GSTCD: variants seen among roughly 807,000 people sequenced by gnomAD.
GSTCD encodes glutathione S-transferase C-terminal domain-containing protein.
A neutral mutation model predicts 68.3 loss-of-function variants in GSTCD; 44 were observed. That is an observed-to-expected ratio of 0.64 (90% CI 0.51 to 0.83). The LOEUF (loss-of-function observed/expected upper bound fraction) is 0.83, where lower values mean the gene tolerates loss of function less well. GSTCD is among the 40% of genes least tolerant of loss of function. The pLI is 0.00. For synonymous variants in GSTCD, 273 were observed against 255.2 expected (o/e 1.07, Z -0.67); for missense variants, 739 against 735.9 (o/e 1.00, Z -0.05).
chr4:105,834,674 A>G (rs1012322053), intron 9 of GSTCD, 80 bp downstream of exon 9: 67 of 1,296,166 alleles, frequency 5.2e-5, no homozygotes, highest in Non-Finnish European at 6.8e-5. Context: ...TAAAGTTGCA[A>G]TGACTTAATT....
intron 5 of GSTCD, among the ~76,000 whole-genome samples, chr4:105,730,693 G>T: frequency 6.6e-6 from 1 of 152,108 alleles, no homozygotes; most frequent in Non-Finnish European, 1.5e-5. Context: ...TCTGTAGGTT[G>T]CCTGTTCACT....
rs114958281 is a variant in GSTCD at position 105,768,693 on chromosome 4, A to G, written c.1240+39194A>G. ...TTAATTAGCATTCAATATATATAAT[A>G]TAGTTGGGTAAAATATGCTGATTTT... On this transcript the variant is annotated intron_variant, in intron 5 of 11. Coordinates refer to ENST00000515279, the MANE Select transcript of GSTCD (RefSeq NM_001370181.1). 7.9e-3 allele frequency among the ~76,000 whole-genome samples: 1,208 copies of G among 152,030 alleles called. 12 individuals carry two copies. Among genetic ancestry groups the G allele is most frequent in the African/African-American group, 0.027 (1,113 of 41,530 alleles).
intron 8 of GSTCD, among the ~76,000 whole-genome samples, chr4:105,828,720 A>G (rs573113916): frequency 6.6e-6 from 1 of 152,372 alleles, no homozygotes; most frequent in African/African-American, 2.4e-5. Flanking sequence ...CAAGAAGGCT[A>G]TCAGGACACA....
intron 5 of GSTCD, among the ~76,000 whole-genome samples, chr4:105,739,777 C>T (rs1024705433): frequency 1.3e-5 from 2 of 152,136 alleles, no homozygotes; most frequent in Non-Finnish European, 2.9e-5. Context: ...GTTTTTATAA[C>T]AGCTTTTTCA....
At position 105,846,203 on chromosome 4, in the gene GSTCD, G is replaced by A. The variant is rs1724537720; in HGVS notation, c.*626G>A. On this transcript the variant is annotated 3_prime_UTR_variant, in exon 12 of 12. Coordinates refer to ENST00000515279, the MANE Select transcript of GSTCD (RefSeq NM_001370181.1). ...AGAGGCCAAGGTGGGAGGATCATTT[G>A]AGCCCAGGATATCGAGACCAGCCTG... 1 of 152,020 alleles carries A rather than the reference G, an allele frequency of 6.6e-6. No individual in the cohort carries two copies. 9.4% of individuals were successfully genotyped at this position (152,020 alleles called of 1,614,324 possible). A position where few individuals can be genotyped will look rare whatever the true frequency, so the allele number is the denominator to read the frequency against.
At chr4:105,738,044 T>C (rs1733515416) in intron 5 of GSTCD, among the ~76,000 whole-genome samples, 1 of 152,230 alleles carries the variant, frequency 6.6e-6, no homozygotes. Flanking sequence ...TTTTGCCTTC[T>C]GCCATGAGTG....
Position 105,730,047 on chromosome 4 carries a change from C to T in GSTCD, c.1240+548C>T, listed in dbSNP as rs1321361516. ...TGAGGATGATGGTTTCCAGCTTCAC[C>T]CATGTCCCTACAAAGGACATGAACT... On this transcript the variant is annotated intron_variant, in intron 5 of 11. Coordinates refer to ENST00000515279, the MANE Select transcript of GSTCD (RefSeq NM_001370181.1). Among the ~76,000 whole-genome samples, 3 of 152,304 alleles carry T rather than the reference C, an allele frequency of 2.0e-5. No homozygotes were observed. The East Asian group carries it at 5.8e-4, about 29-fold the overall frequency.
intron 5 of GSTCD, among the ~76,000 whole-genome samples, chr4:105,732,181 G>A (rs1192612902): frequency 1.3e-5 from 2 of 152,172 alleles, no homozygotes; most frequent in Non-Finnish European, 2.9e-5. Context: ...GCCAGGCTTT[G>A]GTATCAGGAT....
At chr4:105,755,504 T>G (rs1734156153) in intron 5 of GSTCD, among the ~76,000 whole-genome samples, 1 of 152,166 alleles carries the variant, frequency 6.6e-6, no homozygotes, top group Non-Finnish European at 1.5e-5. Flanking sequence ...ACACATTACT[T>G]CTGATACTGA....
intron 5 of GSTCD, among the ~76,000 whole-genome samples, chr4:105,751,345 C>T (rs1256053302): frequency 6.6e-6 from 1 of 152,036 alleles, no homozygotes; most frequent in African/African-American, 2.4e-5. Context: ...CTTCTCAGCT[C>T]ACCTTTTTTC....
intron 5 of GSTCD, among the ~76,000 whole-genome samples, chr4:105,807,597 A>G (rs1278549719): frequency 1.3e-5 from 2 of 152,176 alleles, no homozygotes; most frequent in South Asian, 2.1e-4. Flanking sequence ...GGATTTATCT[A>G]TTTCCTCTAT....
intron 5 of GSTCD, chr4:105,807,428 T>C (rs1425586566): frequency 6.6e-6 from 1 of 152,132 alleles, no homozygotes; most frequent in Non-Finnish European, 1.5e-5. Flanking sequence ...TCTTTGAATA[T>C]GCAATAACCA....
intron 5 of GSTCD, among the ~76,000 whole-genome samples, chr4:105,774,865 T>G (rs893210041): frequency 6.6e-6 from 1 of 152,194 alleles, no homozygotes; most frequent in Non-Finnish European, 1.5e-5. Context: ...CTTTGTGGTG[T>G]TCTCTGTATT....
chr4:105,782,079 TCTGTAAA>T (rs1368867314), intron 5 of GSTCD, among the ~76,000 whole-genome samples: 1 of 152,192 alleles, frequency 6.6e-6, no homozygotes. Context: ...GTCTGCAACC[TCTGTAAA>T]CTCTGAATGC....
intron 8 of GSTCD, among the ~76,000 whole-genome samples, chr4:105,832,051 G>A (rs1257408582): frequency 6.6e-6 from 1 of 152,138 alleles, no homozygotes; most frequent in East Asian, 1.9e-4. Flanking sequence ...CCCCTTGGTT[G>A]TGCAGGAATT....
chr4:105,839,067 C>T (rs1724231465), intron 10 of GSTCD, among the ~76,000 whole-genome samples: 1 of 152,166 alleles, frequency 6.6e-6, no homozygotes, highest in African/African-American at 2.4e-5. Flanking sequence ...CTGTCTCTTA[C>T]CACCTTATGT....
intron 3 of GSTCD, among the ~76,000 whole-genome samples, chr4:105,726,336 G>T (rs746762545): frequency 1.3e-5 from 2 of 152,098 alleles, no homozygotes; most frequent in African/African-American, 4.8e-5. Context: ...ACAGAAAGCC[G>T]ATCAGTGGTT....
At chr4:105,727,675 A>G (rs992931426) in intron 4 of GSTCD, among the ~76,000 whole-genome samples, 1 of 151,604 alleles carries the variant, frequency 6.6e-6, no homozygotes, top group Non-Finnish European at 1.5e-5. Context: ...TGGGTGACAG[A>G]GTGAAACCCT....
At chr4:105,797,865 G>A (rs1240879582) in intron 5 of GSTCD, among the ~76,000 whole-genome samples, 3 of 146,794 alleles carry the variant, frequency 2.0e-5, no homozygotes, top group African/African-American at 7.6e-5. Context: ...ACCTCCGCCT[G>A]CTGGGCTCAA....
Sources: allele counts gnomAD v4.1 joint callset (sites outside exome capture counted in the v4.1 genomes callset), GRCh38; gene constraint gnomAD v4.1.1; transcripts MANE v1.5; gene names NCBI Gene and HGNC (gene_info 2026-07-23, HGNC 2026-07-21).